The following SPOCK1 variants were observed in gnomAD, a reference collection of about 807,000 sequenced individuals.
SPOCK1 encodes the protein testican-1.
A neutral mutation model predicts 55.3 loss-of-function variants in SPOCK1; 23 were observed. That is an observed-to-expected ratio of 0.42 (90% CI 0.30 to 0.59). SPOCK1 has a LOEUF of 0.59. SPOCK1 is among the 20% of genes least tolerant of loss of function. The probability of loss-of-function intolerance (pLI) is 0.22; values close to 1 mark genes in which losing one functional copy is unlikely to be tolerated. For synonymous variants in SPOCK1, 226 were observed against 221.0 expected, an observed-to-expected ratio of 1.02 and a Z score of -0.20; for missense variants, 499 against 552.5, an observed-to-expected ratio of 0.90 and a Z score of 0.97.
chr5:137,058,069 C>A (rs1026375035), intron 6 of SPOCK1, among the ~76,000 whole-genome samples: 1 of 152,042 alleles, frequency 6.6e-6, no homozygotes, highest in African/African-American at 2.4e-5. Context: ...GCTGTGATCT[C>A]GTAAAGGGCT....
At chr5:137,332,124 C>T (rs555436944) in intron 2 of SPOCK1, among the ~76,000 whole-genome samples, 1 of 152,220 alleles carries the variant, frequency 6.6e-6, no homozygotes, top group Admixed American at 6.5e-5. Flanking sequence ...TAGGCTCCCA[C>T]GTCCCAGCTC....
At chr5:137,189,693 T>C (rs770960053) in intron 3 of SPOCK1, among the ~76,000 whole-genome samples, 23 of 152,190 alleles carry the variant, frequency 1.5e-4, no homozygotes, top group Non-Finnish European at 2.6e-4. Context: ...AAGAGGTAAT[T>C]TGACTTTCAA....
At position 137,409,018 on chromosome 5, in the gene SPOCK1, A is replaced by C. The variant is rs1003197006; in HGVS notation, c.186+89355T>G. 1.3e-5 allele frequency among the ~76,000 whole-genome samples: 2 copies of C among 152,062 alleles called. 1 individual carries two copies. The highest frequency in any genetic ancestry group is 4.8e-5 in the African/African-American group (2 of 41,404). On this transcript the variant is annotated intron_variant, in intron 2 of 10. Coordinates refer to ENST00000394945, the MANE Select transcript of SPOCK1 (RefSeq NM_004598.4). ...ATCTCCCTCCCAAACCCCTTCCCCA[A>C]ACACACATTTTAGAGCACAGCCTAT...
chr5:137,088,573 A>ACCTTCAC (rs1753001434), intron 5 of SPOCK1, among the ~76,000 whole-genome samples: 1 of 152,030 alleles, frequency 6.6e-6, no homozygotes, highest in African/African-American at 2.4e-5. Context: ...CGTCTCACCC[A>ACCTTCAC]CCTTCACCCC....
chr5:137,110,420 T>C (rs963764228), intron 5 of SPOCK1, among the ~76,000 whole-genome samples: 4 of 152,234 alleles, frequency 2.6e-5, no homozygotes, highest in East Asian at 3.8e-4. Context: ...CATCTCCAGA[T>C]GATTGTTTAC....
intron 2 of SPOCK1, among the ~76,000 whole-genome samples, chr5:137,318,461 G>A (rs1255005798): frequency 6.6e-6 from 1 of 152,192 alleles, no homozygotes; most frequent in Non-Finnish European, 1.5e-5. Flanking sequence ...TGATTATAAT[G>A]AGGGGTTTGT....
chr5:137,118,562 G>T (rs1277096684), intron 4 of SPOCK1, among the ~76,000 whole-genome samples: 2 of 152,202 alleles, frequency 1.3e-5, no homozygotes, highest in African/African-American at 2.4e-5. Context: ...CTTGACCATG[G>T]CATAATGGGG....
chr5:137,044,246 G>C (rs140837265), intron 6 of SPOCK1, among the ~76,000 whole-genome samples: 1 of 152,184 alleles, frequency 6.6e-6, no homozygotes, highest in East Asian at 1.9e-4. Context: ...TAGAAGGATG[G>C]TGTGTGCAAA....
chr5:137,127,076 T>C (rs920102089), intron 4 of SPOCK1, among the ~76,000 whole-genome samples: 1 of 152,108 alleles, frequency 6.6e-6, no homozygotes, highest in Non-Finnish European at 1.5e-5. Flanking sequence ...TGTGGTAAAG[T>C]GACAATGTAT....
At chr5:137,194,631 T>TC (rs1039901261) in intron 3 of SPOCK1, among the ~76,000 whole-genome samples, 1 of 151,946 alleles carries the variant, frequency 6.6e-6, no homozygotes, top group Non-Finnish European at 1.5e-5. Flanking sequence ...CAAGTCTTCC[T>TC]CCCCTCCTCC....
intron 5 of SPOCK1, among the ~76,000 whole-genome samples, chr5:137,089,869 T>C (rs1392280875): frequency 6.6e-6 from 1 of 152,210 alleles, no homozygotes; most frequent in East Asian, 1.9e-4. Flanking sequence ...CTATCAAAGA[T>C]AACTGCACAG....
Position 136,988,436 on chromosome 5 carries a change from A to C in SPOCK1, c.914T>G (p.Phe305Cys). ...TCCCACCTTACCTCCAGGCTTCTGG[A>C]AGCAGTAGCACCACTCATTGTTAGA... is the stretch of plus-strand genomic sequence containing the variant. ...KLSNNEWCYCFQKPGGLPCQN... is the reference protein window; with the variant it reads ...KLSNNEWCYCCQKPGGLPCQN... Residue 305 changes from phenylalanine (F) to cysteine (C), a missense_variant, in exon 8 of 11, where the codon TTC becomes TGC. This residue lies in a region of SPOCK1 where 386 missense variants were observed against 400.6 expected (regional missense o/e 0.96). Coordinates refer to ENST00000394945, the MANE Select transcript of SPOCK1 (RefSeq NM_004598.4). 1 of 1,613,594 alleles carries C rather than the reference A, an allele frequency of 6.2e-7. No homozygotes were observed. Among genetic ancestry groups the C allele is most frequent in the Non-Finnish European group, 8.5e-7 (1 of 1,179,558 alleles).
chr5:137,375,802 T>C (rs1048038700), intron 2 of SPOCK1, among the ~76,000 whole-genome samples: 5 of 152,162 alleles, frequency 3.3e-5, no homozygotes, highest in Non-Finnish European at 7.4e-5. Context: ...AATGGGAGCT[T>C]TGTGCTCCAA....
intron 2 of SPOCK1, among the ~76,000 whole-genome samples, chr5:137,353,657 C>T (rs750352499): frequency 2.2e-4 from 33 of 152,318 alleles, no homozygotes; most frequent in Non-Finnish European, 4.4e-4. Flanking sequence ...CAGCTCCCTC[C>T]AGGAAACTAA....
intron 6 of SPOCK1, among the ~76,000 whole-genome samples, chr5:137,035,293 G>A (rs547833633): frequency 2.7e-4 from 41 of 152,182 alleles, no homozygotes; most frequent in Non-Finnish European, 4.0e-4. Context: ...CTCCCCCAGC[G>A]GATGGCAGCT....
chr5:137,125,617 C>CA lies in SPOCK1; in HGVS notation c.348-13057dup, dbSNP rs1374726209. ...CTAGTGAAAAGGGACTCTCACCAGACAGAGTCTGCCAGTGCCTTGACCTGG... is the reference window on the plus strand; with the variant it reads ...CTAGTGAAAAGGGACTCTCACCAGACAAGAGTCTGCCAGTGCCTTGACCTGG... On this transcript the variant is annotated intron_variant, in intron 4 of 10. Transcript: ENST00000394945. Among the ~76,000 whole-genome samples, 4 of 152,192 alleles carry CA rather than the reference C, an allele frequency of 2.6e-5. No individual in the cohort carries two copies. In the East Asian group the frequency reaches 7.7e-4, roughly 29 times the overall value.
In SPOCK1 at chr5:137,402,021, A is replaced by C. The variant is rs191093946; in HGVS notation, c.186+96352T>G. Among the ~76,000 whole-genome samples, 426 of 152,266 alleles carry C rather than the reference A, an allele frequency of 2.8e-3. 1 individual carries two copies. Among genetic ancestry groups the C allele is most frequent in the Non-Finnish European group, 4.6e-3 (316 of 68,028 alleles). On this transcript the variant is annotated intron_variant, in intron 2 of 10. Transcript: ENST00000394945. Reference sequence around the variant, plus strand: ...GTAAGGAAAGGGGCACTTTGAAATGATGCATTTATTAGTGTTATCTCAGAG... The same window carrying C: ...GTAAGGAAAGGGGCACTTTGAAATGCTGCATTTATTAGTGTTATCTCAGAG...
At chr5:137,472,255 A>G (rs1323093123) in intron 2 of SPOCK1, among the ~76,000 whole-genome samples, 1 of 152,168 alleles carries the variant, frequency 6.6e-6, no homozygotes, top group South Asian at 2.1e-4. Context: ...GTTTCTGGTC[A>G]GACAGGAGCA....
chr5:137,021,839 T>A (rs1751582421), intron 6 of SPOCK1, among the ~76,000 whole-genome samples: 1 of 152,162 alleles, frequency 6.6e-6, no homozygotes, highest in South Asian at 2.1e-4. Context: ...TTAATACCCA[T>A]ATGTTTCACT....
Sources: allele counts gnomAD v4.1 joint callset (sites outside exome capture counted in the v4.1 genomes callset), GRCh38; gene constraint gnomAD v4.1.1; regional missense constraint gnomAD v4.1.1; transcripts MANE v1.5; gene names NCBI Gene and HGNC (gene_info 2026-07-23, HGNC 2026-07-21).